IL1RAPL1: variants seen among roughly 807,000 people sequenced by gnomAD.
IL1RAPL1 encodes interleukin 1 receptor accessory protein like 1, also known as interleukin-1 receptor accessory protein-like 1.
Under a neutral mutation model 48.4 loss-of-function variants are expected in IL1RAPL1, and 3 were observed. The ratio of observed to expected loss-of-function variants is 0.06; its 90% CI spans 0.03 to 0.16. The LOEUF is 0.16. Among genes scored for constraint, IL1RAPL1 ranks in the 10% least tolerant of loss-of-function variants. IL1RAPL1 has a pLI of 1.00. For missense variants in IL1RAPL1, 349 were observed against 530.6 expected (o/e 0.66, Z 3.36); for synonymous variants, 185 against 187.7 (o/e 0.99, Z 0.12).
chrX:29,641,426 T>C (rs111406148), intron 5 of IL1RAPL1, among the ~76,000 whole-genome samples: 1,139 of 112,467 alleles, frequency 0.01, 12 homozygotes, highest in African/African-American at 0.034. Flanking sequence ...ACTGGAATGC[T>C]CTTCTCCCAG....
intron 2 of IL1RAPL1, among the ~76,000 whole-genome samples, chrX:29,112,288 A>C (rs757204724): frequency 8.9e-6 from 1 of 111,894 alleles, no homozygotes; most frequent in Non-Finnish European, 1.9e-5. Flanking sequence ...AAATATTATC[A>C]AATTTATTGT....
chrX:28,903,571 T>C (rs1252461788), intron 2 of IL1RAPL1, among the ~76,000 whole-genome samples: 5 of 110,700 alleles, frequency 4.5e-5, no homozygotes, highest in Non-Finnish European at 9.4e-5. Context: ...AAAGAAGGTG[T>C]AGATAAAATT....
At chrX:29,001,920 G>C (rs554845146) in intron 2 of IL1RAPL1, among the ~76,000 whole-genome samples, 1 of 100,924 alleles carries the variant, frequency 9.9e-6, no homozygotes, top group African/African-American at 3.8e-5. Context: ...TTTTTTTAAC[G>C]GAGTCTGGCT....
At chrX:29,220,840 A>T (rs770819371) in intron 2 of IL1RAPL1, among the ~76,000 whole-genome samples, 2 of 112,201 alleles carry the variant, frequency 1.8e-5, no homozygotes, top group East Asian at 5.6e-4. Flanking sequence ...ATAAACTCAT[A>T]TCTGGGTCCC....
chrX:29,387,375 CT>C (rs759456687), intron 3 of IL1RAPL1, among the ~76,000 whole-genome samples: 1 of 112,192 alleles, frequency 8.9e-6, no homozygotes, highest in Non-Finnish European at 1.9e-5. Context: ...AAAGATGTCA[CT>C]TTTTATACGA....
At chrX:29,065,344 C>G (rs748719460) in intron 2 of IL1RAPL1, among the ~76,000 whole-genome samples, 1 of 111,269 alleles carries the variant, frequency 9.0e-6, no homozygotes, top group African/African-American at 3.3e-5. Flanking sequence ...AGTATGCTAT[C>G]CCACTGTGAT....
chrX:29,057,724 C>T (rs752018592), intron 2 of IL1RAPL1, among the ~76,000 whole-genome samples: 15 of 111,776 alleles, frequency 1.3e-4, no homozygotes, highest in Non-Finnish European at 2.1e-4. Flanking sequence ...CCACCGTGCG[C>T]GGCCTGTTTA....
intron 2 of IL1RAPL1, among the ~76,000 whole-genome samples, chrX:29,266,919 G>T (rs1394820051): frequency 1.8e-5 from 2 of 111,589 alleles, no homozygotes; most frequent in Non-Finnish European, 3.8e-5. Flanking sequence ...CTTTTCTAAT[G>T]AAACCAAGAG....
intron 6 of IL1RAPL1, among the ~76,000 whole-genome samples, chrX:29,741,736 C>T (rs1928202574): frequency 9.3e-6 from 1 of 108,106 alleles, no homozygotes; most frequent in Admixed American, 1.0e-4. Flanking sequence ...TCCTGGCCAA[C>T]GTGGCGAAAT....
chrX:28,876,367 C>T (rs1324733715), intron 2 of IL1RAPL1, among the ~76,000 whole-genome samples: 4 of 112,136 alleles, frequency 3.6e-5, no homozygotes, highest in Non-Finnish European at 7.5e-5. Flanking sequence ...GAATTATTCT[C>T]ATGACCCTGC....
At chrX:29,587,811 A>G (rs1399443424) in intron 5 of IL1RAPL1, among the ~76,000 whole-genome samples, 2 of 112,338 alleles carry the variant, frequency 1.8e-5, no homozygotes, top group East Asian at 2.8e-4. Flanking sequence ...GTTAGAAACT[A>G]TCTCCTGCCT....
chrX:28,873,313 G>T (rs1049154116), intron 2 of IL1RAPL1, among the ~76,000 whole-genome samples: 4 of 106,389 alleles, frequency 3.8e-5, no homozygotes, highest in African/African-American at 1.4e-4. Context: ...GTTTCACCAC[G>T]TTGGCCAGAC....
chrX:28,756,831 A>C (rs907158323), intron 1 of IL1RAPL1, among the ~76,000 whole-genome samples: 13 of 111,719 alleles, frequency 1.2e-4, no homozygotes, highest in Non-Finnish European at 5.6e-5. Flanking sequence ...GCTAGACTGT[A>C]ACTCTCATCC....
chrX:29,202,232 A>G (rs1185668272), intron 2 of IL1RAPL1, among the ~76,000 whole-genome samples: 1 of 112,066 alleles, frequency 8.9e-6, no homozygotes, highest in Non-Finnish European at 1.9e-5. Context: ...AATAGAAGAC[A>G]GACATACAGC....
At chrX:29,232,399 C>T (rs7055426) in intron 2 of IL1RAPL1, among the ~76,000 whole-genome samples, 21,980 of 111,281 alleles carry the variant, frequency 0.2, 2,817 homozygotes, top group African/African-American at 0.45. Context: ...AAAGAGATTT[C>T]AGGACTTAAA....
intron 5 of IL1RAPL1, among the ~76,000 whole-genome samples, chrX:29,498,856 A>G (rs1331108610): frequency 1.8e-5 from 2 of 112,008 alleles, no homozygotes; most frequent in Non-Finnish European, 3.8e-5. Context: ...TAAGAATATC[A>G]TTAAAAGCCA....
At chrX:29,766,342 A>ATATATATATAT (rs1555918099) in intron 6 of IL1RAPL1, among the ~76,000 whole-genome samples, 7 of 47,542 alleles carry the variant, frequency 1.5e-4, no homozygotes, top group African/African-American at 4.5e-4. Context: ...AAAAAAAAAA[A>ATATATATATAT]ATATATATAT....
At chrX:28,647,004 C>A (rs1292224553) in intron 1 of IL1RAPL1, among the ~76,000 whole-genome samples, 1 of 111,334 alleles carries the variant, frequency 9.0e-6, no homozygotes, top group Non-Finnish European at 1.9e-5. Context: ...TAGCATAATT[C>A]CAAATGCTTA....
At chrX:29,481,060 T>G (rs1255768481) in intron 5 of IL1RAPL1, among the ~76,000 whole-genome samples, 1 of 112,445 alleles carries the variant, frequency 8.9e-6, no homozygotes, top group African/African-American at 3.2e-5. Context: ...ATTAGATGTT[T>G]AATGATAAAT....
Sources: gnomAD v4.1 joint callset for allele counts (sites outside exome capture counted in the v4.1 genomes callset) on GRCh38, gnomAD v4.1.1 for gene constraint, MANE v1.5 for transcripts, NCBI Gene and HGNC (gene_info 2026-07-23, HGNC 2026-07-21) for gene names.